Variants in AKAP6 observed in about 807,000 individuals in gnomAD.
The protein encoded by AKAP6 is A-kinase anchor protein 6.
In AKAP6, 58 loss-of-function variants were observed where a neutral mutation model predicts 188.5. The observed-to-expected ratio is 0.31, with a 90% CI of 0.25 to 0.38. The LOEUF (loss-of-function observed/expected upper bound fraction) is 0.38, where lower values mean the gene tolerates loss of function less well. AKAP6 is among the 10% of genes least tolerant of loss of function. The pLI, the probability that AKAP6 is intolerant of heterozygous loss-of-function variation, is 1.00. For synonymous variants in AKAP6, 989 were observed against 998.6 expected (o/e 0.99, Z 0.18); for missense variants, 2,710 against 2,740.0 (o/e 0.99, Z 0.24).
chr14:32,631,836 G>A (rs1391883895), intron 7 of AKAP6, among the ~76,000 whole-genome samples: 1 of 152,062 alleles, frequency 6.6e-6, no homozygotes, highest in Admixed American at 6.6e-5. Flanking sequence ...GATGTGGTTA[G>A]GCTGTGAGTT....
intron 7 of AKAP6, among the ~76,000 whole-genome samples, chr14:32,624,877 T>A (rs1298856492): frequency 2.0e-5 from 3 of 152,140 alleles, no homozygotes; most frequent in Non-Finnish European, 4.4e-5. Flanking sequence ...AAGTGTGACA[T>A]TCAAATCGTG....
rs199961818 is a variant in AKAP6 at position 32,645,272 on chromosome 14, C to T, written c.2731-33039C>T. ...AGAAGGAATACACTTAAAAGAGCAACGTAGCACCGAGGACATTTTCAACCT... is the reference window on the plus strand; with the variant it reads ...AGAAGGAATACACTTAAAAGAGCAATGTAGCACCGAGGACATTTTCAACCT... On this transcript the variant is annotated intron_variant, in intron 7 of 13. Coordinates refer to ENST00000280979, the MANE Select transcript of AKAP6 (RefSeq NM_004274.5). Among the ~76,000 whole-genome samples the T allele has an allele frequency of 2.0e-4, 31 of 152,210 alleles. No homozygotes were observed. The East Asian group carries it at 2.1e-3, about 10-fold the overall frequency.
intron 1 of AKAP6, among the ~76,000 whole-genome samples, chr14:32,378,812 T>G (rs1244763214): frequency 2.0e-5 from 3 of 152,198 alleles, no homozygotes; most frequent in Non-Finnish European, 2.9e-5. Flanking sequence ...ACATCTCATC[T>G]ATGTGAATTT....
At chr14:32,396,301 G>C (rs1361073442) in intron 1 of AKAP6, among the ~76,000 whole-genome samples, 1 of 152,172 alleles carries the variant, frequency 6.6e-6, no homozygotes, top group African/African-American at 2.4e-5. Context: ...GCCATGTCAA[G>C]AGCAGATGAC....
At position 32,735,805 on chromosome 14, in the gene AKAP6, C is replaced by A. The variant is rs2031394460; in HGVS notation, c.3295C>A (p.Leu1099Ile). 2 of 1,613,304 alleles carry A rather than the reference C, an allele frequency of 1.2e-6. No homozygotes were observed. Among genetic ancestry groups the A allele is most frequent in the Non-Finnish European group, 1.7e-6 (2 of 1,179,672 alleles). Residue 1099 changes from leucine (L) to isoleucine (I), a missense_variant, in exon 11 of 14, where the codon CTT becomes ATT. Leu to Ile is a conservative substitution (Grantham distance 5, BLOSUM62 2). Coordinates refer to ENST00000280979, the MANE Select transcript of AKAP6 (RefSeq NM_004274.5). ...ELKGWLRDTE[L>I]FIFNSCLRQE... ...GAAAGGATGGCTAAGAGATACAGAG[C>A]TTTTCATCTTCAATTCCTGTCTGAG... is the stretch of plus-strand genomic sequence containing the variant.
chr14:32,483,933 C>T (rs550259507), intron 2 of AKAP6, among the ~76,000 whole-genome samples: 3 of 151,728 alleles, frequency 2.0e-5, no homozygotes, highest in South Asian at 2.1e-4. Context: ...ACCTTGCCCC[C>T]CATCCCCTGA....
intron 1 of AKAP6, among the ~76,000 whole-genome samples, chr14:32,357,820 A>G (rs974555707): frequency 2.2e-4 from 33 of 152,220 alleles, no homozygotes; most frequent in African/African-American, 6.8e-4. Context: ...GATGTGAAGG[A>G]CATCTGTTAG....
intron 9 of AKAP6, among the ~76,000 whole-genome samples, chr14:32,705,133 G>A (rs1176219187): frequency 1.3e-5 from 2 of 152,126 alleles, no homozygotes; most frequent in African/African-American, 4.8e-5. Flanking sequence ...GGTTGTCCTA[G>A]GGATATCAAT....
chr14:32,556,341 CTTTT>C (rs1047624076), intron 4 of AKAP6, among the ~76,000 whole-genome samples: 1 of 151,852 alleles, frequency 6.6e-6, no homozygotes, highest in African/African-American at 2.4e-5. Context: ...GTTATATATT[CTTTT>C]TTTGTTTTTT....
intron 1 of AKAP6, chr14:32,402,243 G>T (rs1889119302): frequency 6.6e-6 from 1 of 152,232 alleles, no homozygotes; most frequent in Admixed American, 6.5e-5. Context: ...AAGGCCAGGG[G>T]CTTCCAGTTG....
At chr14:32,388,336 GT>G (rs1888600557) in intron 1 of AKAP6, among the ~76,000 whole-genome samples, 2 of 151,678 alleles carry the variant, frequency 1.3e-5, no homozygotes, top group Non-Finnish European at 2.9e-5. Context: ...TGTTGTTGTT[GT>G]TGTTTGTTTG....
chr14:32,647,098 A>G (rs940782600), intron 7 of AKAP6, among the ~76,000 whole-genome samples: 3 of 152,122 alleles, frequency 2.0e-5, no homozygotes, highest in African/African-American at 7.2e-5. Context: ...ACCATTAGTA[A>G]TCTTGACAAG....
intron 13 of AKAP6, among the ~76,000 whole-genome samples, chr14:32,828,487 TGG>T (rs2034731333): frequency 6.6e-6 from 1 of 151,826 alleles, no homozygotes; most frequent in Non-Finnish European, 1.5e-5. Context: ...AGGATGTTAC[TGG>T]GCATCACCTA....
At chr14:32,759,612 C>T (rs1009879563) in intron 11 of AKAP6, among the ~76,000 whole-genome samples, 2 of 152,164 alleles carry the variant, frequency 1.3e-5, no homozygotes, top group African/African-American at 4.8e-5. Context: ...CACAGTTCTG[C>T]AGGCTTCACA....
At chr14:32,733,901 C>T (rs181195118) in intron 10 of AKAP6, 3 of 152,020 alleles carry the variant, frequency 2.0e-5, no homozygotes, top group African/African-American at 7.2e-5. Flanking sequence ...AGCGATAAGT[C>T]TGTTTACATT....
intron 2 of AKAP6, among the ~76,000 whole-genome samples, chr14:32,463,250 C>T (rs1188142935): frequency 1.3e-5 from 2 of 152,164 alleles, no homozygotes; most frequent in East Asian, 3.9e-4. Flanking sequence ...CTAAGCAGAC[C>T]TAACAGACAT....
chr14:32,440,160 T>C (rs1417989250), intron 2 of AKAP6, among the ~76,000 whole-genome samples: 1 of 152,184 alleles, frequency 6.6e-6, no homozygotes, highest in Non-Finnish European at 1.5e-5. Flanking sequence ...TTCATCCATG[T>C]CCCTACAAAG....
chr14:32,491,047 T>A (rs116825024), intron 2 of AKAP6, among the ~76,000 whole-genome samples: 3,361 of 152,260 alleles, frequency 0.022, 135 homozygotes, highest in African/African-American at 0.077. Context: ...TAAGGGTTGC[T>A]GAGGTGATCT....
chr14:32,692,237 C>G, intron 8 of AKAP6, among the ~76,000 whole-genome samples: 1 of 152,028 alleles, frequency 6.6e-6, no homozygotes, highest in Middle Eastern at 3.4e-3. Flanking sequence ...GACTTTTGTT[C>G]GAAGGCCCAT....
Sources: gnomAD v4.1 joint callset for allele counts (sites outside exome capture counted in the v4.1 genomes callset) on GRCh38, gnomAD v4.1.1 for gene constraint, MANE v1.5 for transcripts, NCBI Gene and HGNC (gene_info 2026-07-23, HGNC 2026-07-21) for gene names.